Variants in PTPRS observed in about 807,000 individuals in gnomAD.
PTPRS encodes protein tyrosine phosphatase receptor type S.
In PTPRS, 63 loss-of-function variants were observed where a neutral mutation model predicts 215.3. The observed-to-expected ratio is 0.29, with a 90% CI of 0.24 to 0.36. PTPRS has a LOEUF of 0.36. PTPRS is among the 10% of genes least tolerant of loss of function. The pLI is 1.00. For synonymous variants in PTPRS, 1,404 were observed against 1,191.4 expected (o/e 1.18, Z -3.68); for missense variants, 2,258 against 2,825.8 (o/e 0.80, Z 4.56).
chr19:5,243,426 G>A (rs534173402), intron 11 of PTPRS, among the ~76,000 whole-genome samples: 7 of 151,752 alleles, frequency 4.6e-5, no homozygotes, highest in Non-Finnish European at 7.4e-5. Flanking sequence ...GTGAGCCACC[G>A]CCTCCGGCCT....
intron 1 of PTPRS, among the ~76,000 whole-genome samples, chr19:5,309,688 G>A (rs2049630009): frequency 6.6e-6 from 1 of 152,050 alleles, no homozygotes; most frequent in Non-Finnish European, 1.5e-5. Context: ...CAGAGGCCTG[G>A]GAGTCGTTCT....
intron 1 of PTPRS, among the ~76,000 whole-genome samples, chr19:5,324,451 A>T (rs916866393): frequency 2.6e-5 from 4 of 152,104 alleles, no homozygotes; most frequent in Non-Finnish European, 5.9e-5. Flanking sequence ...TGTGTATGGA[A>T]GGGGACACAG....
chr19:5,223,411 G>GA, intron 17 of PTPRS, 114 bp from the exon 18 acceptor site: 2 of 1,268,150 alleles, frequency 1.6e-6, no homozygotes. Context: ...TTTTGAGTTG[G>GA]GGGGGGTCTT....
At position 5,338,436 on chromosome 19, in the gene PTPRS, G is replaced by T. The variant is rs140199143; in HGVS notation, c.-95+2228C>A. ...GGAACAGGGCAGGACCCTGCTTCCC[G>T]GAGGGAAATAATGAAGACTCCGCCA... On this transcript the variant is annotated intron_variant, in intron 1 of 37. Transcript: ENST00000262963. This position sits in a 1 kb window ranked among gnomAD's most constrained non-coding sequence, Gnocchi z 4.2. 9.4e-3 allele frequency among the ~76,000 whole-genome samples: 1,429 copies of T among 152,260 alleles called. 34 individuals carry two copies. Among genetic ancestry groups the T allele is most frequent in the African/African-American group, 0.033 (1,374 of 41,546 alleles).
intron 4 of PTPRS, among the ~76,000 whole-genome samples, chr19:5,268,596 C>T (rs1181645090): frequency 1.3e-5 from 2 of 151,984 alleles, no homozygotes; most frequent in East Asian, 3.9e-4. Flanking sequence ...CCCTGCCTCC[C>T]CAGGATTACG....
intron 2 of PTPRS, chr19:5,278,139 C>T (rs570311761): frequency 3.7e-5 from 15 of 401,264 alleles, no homozygotes; most frequent in Admixed American, 1.5e-4. Context: ...AATGAGTAGA[C>T]GGCTCGTGTG....
In PTPRS at chr19:5,256,060, A is replaced by C. The variant is rs2146212710; in HGVS notation, c.718+48T>G. ...TGTGTGTGTGCGTGTCATTTTCAGA[A>C]TGTAAAAATGTGGGTAAAGAAAGTA... On this transcript the variant is annotated intron_variant, in intron 9 of 37. Transcript: ENST00000262963. The C allele has an allele frequency of 2.7e-6, 4 of 1,485,892 alleles. No homozygotes were observed. In the South Asian group the frequency reaches 4.8e-5, roughly 18 times the overall value. The allele number at this position is 1,485,892 out of a possible 1,614,324, so 92.0% of individuals were successfully genotyped here. A position where few individuals can be genotyped will look rare whatever the true frequency, so the allele number is the denominator to read the frequency against.
At chr19:5,288,658 C>A (rs2048561538) in intron 1 of PTPRS, among the ~76,000 whole-genome samples, 1 of 152,188 alleles carries the variant, frequency 6.6e-6, no homozygotes, top group Admixed American at 6.5e-5. Context: ...GCTGGGCAGG[C>A]CTGCAGAGAG....
chr19:5,222,330 C>T (rs558418701), intron 18 of PTPRS, 110 bp from the exon 19 acceptor site: 90 of 901,972 alleles, frequency 1.0e-4, no homozygotes, highest in African/African-American at 1.6e-4. Flanking sequence ...CGCTCCCTGT[C>T]GTCCGCTGTG....
At chr19:5,222,586 A>T in intron 18 of PTPRS, 103 bp downstream of exon 18, 1 of 1,284,232 alleles carries the variant, frequency 7.8e-7, no homozygotes, top group Non-Finnish European at 1.0e-6. Flanking sequence ...ACGAGGAAGC[A>T]GAAAAGTGAG....
At chr19:5,221,297 C>T in intron 19 of PTPRS, 44 bp from the exon 20 acceptor site, 1 of 1,574,336 alleles carries the variant, frequency 6.4e-7, no homozygotes, top group Non-Finnish European at 8.6e-7. Context: ...GGGCTCATGC[C>T]CATGGACTGA....
intron 37 of PTPRS, 136 bp from the exon 38 acceptor site, chr19:5,206,978 C>G: frequency 1.4e-6 from 1 of 718,054 alleles, no homozygotes. Context: ...GCCCCCACGG[C>G]CCTCCCACAA....
At chr19:5,235,554 T>G (rs940431726) in intron 13 of PTPRS, among the ~76,000 whole-genome samples, 1 of 152,238 alleles carries the variant, frequency 6.6e-6, no homozygotes, top group Non-Finnish European at 1.5e-5. Context: ...CAAGTGCCAC[T>G]TATTGAGCAC....
At chr19:5,279,874 G>A (rs565744160) in intron 2 of PTPRS, among the ~76,000 whole-genome samples, 6 of 152,064 alleles carry the variant, frequency 3.9e-5, no homozygotes, top group East Asian at 1.9e-4. Context: ...TAGTAGAGAC[G>A]GGGTTTCACC....
rs1014796224 is a variant in PTPRS at position 5,222,962 on chromosome 19, C to T, written c.2830G>A (p.Gly944Arg). 7.8e-6 allele frequency: 12 copies of T among 1,544,800 alleles called. No individual in the cohort carries two copies. Among genetic ancestry groups the T allele is most frequent in the African/African-American group, 4.1e-5 (3 of 72,898 alleles). The change falls in exon 18 of 38, where the codon GGG (glycine) becomes AGG (arginine). Residue 944 changes from glycine to arginine, a missense_variant. Gly to Arg is a moderately radical substitution (Grantham distance 125). This residue lies in a region of PTPRS where 361 missense variants were observed against 332.6 expected (regional missense o/e 1.09). Transcript: ENST00000262963. ...GGCAGCCAGCGGAGAAGGACGGTCCCGGCCGAGGCGTTGCCGGCCGCCTCC... is the reference window on the plus strand; with the variant it reads ...GGCAGCCAGCGGAGAAGGACGGTCCTGGCCGAGGCGTTGCCGGCCGCCTCC... ...ILEAAGNASA[G>R]TVLLRWLPPV...
At chr19:5,259,632 G>C (rs1348828639) in intron 7 of PTPRS, among the ~76,000 whole-genome samples, 1 of 152,080 alleles carries the variant, frequency 6.6e-6, no homozygotes, top group Non-Finnish European at 1.5e-5. Flanking sequence ...AAGTATGTTT[G>C]AATCACAGGC....
chr19:5,216,814 G>A, intron 25 of PTPRS, 47 bp from the exon 26 acceptor site: 1 of 1,356,308 alleles, frequency 7.4e-7, no homozygotes, highest in Non-Finnish European at 1.0e-6. Context: ...AGGGGGTAGG[G>A]GGGGGTCCCA....
Position 5,206,524 on chromosome 19 carries a change from A to C in PTPRS, c.*250T>G. ...CCCCCACCCCGGAATCTGGTTTTGG[A>C]ATTGGAAGGAAAGGAGGAATGTGCC... On this transcript the variant is annotated 3_prime_UTR_variant, in exon 38 of 38. Transcript: ENST00000262963. 1.4e-5 allele frequency: 3 copies of C among 220,872 alleles called. No homozygotes were observed. Among genetic ancestry groups the C allele is most frequent in the Admixed American group, 5.9e-5 (1 of 16,886 alleles). The allele number at this position is 220,872 out of a possible 1,614,324, so 13.7% of individuals were successfully genotyped here.
rs966493481 is a variant in PTPRS at position 5,237,293 on chromosome 19, C to CG, written c.1849+1625dup. ...TTCAGCCTAAGGAGCCCGCAGTCCCCGGGGGGATGGATACGCCTGGCCCTG... is the reference window on the plus strand; with the variant it reads ...TTCAGCCTAAGGAGCCCGCAGTCCCCGGGGGGGATGGATACGCCTGGCCCTG... On this transcript the variant is annotated intron_variant, in intron 13 of 37. Coordinates refer to ENST00000262963, the MANE Select transcript of PTPRS (RefSeq NM_002850.4). This position sits in a 1 kb window ranked among gnomAD's most constrained non-coding sequence, Gnocchi z 4.2. Among the ~76,000 whole-genome samples the CG allele has an allele frequency of 1.3e-5, 2 of 152,204 alleles. No homozygotes were observed. Among genetic ancestry groups the CG allele is most frequent in the African/African-American group, 2.4e-5 (1 of 41,450 alleles).
Sources: allele counts gnomAD v4.1 joint callset (sites outside exome capture counted in the v4.1 genomes callset), GRCh38; gene constraint gnomAD v4.1.1; regional missense constraint gnomAD v4.1.1; non-coding constraint Gnocchi (gnomAD v3.1); transcripts MANE v1.5; gene names NCBI Gene and HGNC (gene_info 2026-07-23, HGNC 2026-07-21).